The following ENOX1 variants were observed in gnomAD, a reference collection of about 807,000 sequenced individuals.
The protein encoded by ENOX1 is ecto-NOX disulfide-thiol exchanger 1, also known as candidate growth-related and time keeping constitutive hydroquinone (NADH) oxidase.
In ENOX1, 42 loss-of-function variants were observed where a neutral mutation model predicts 82.5. The observed-to-expected ratio is 0.51, with a 90% CI of 0.40 to 0.66. ENOX1 has a LOEUF of 0.66. Among genes scored for constraint, ENOX1 ranks in the 30% least tolerant of loss-of-function variants. The pLI, the probability that ENOX1 is intolerant of heterozygous loss-of-function variation, is 0.00. For synonymous variants in ENOX1, 271 were observed against 282.2 expected (o/e 0.96, Z 0.40); for missense variants, 608 against 811.6 (o/e 0.75, Z 3.05).
At chr13:43,379,787 A>G (rs767602732) in intron 5 of ENOX1, among the ~76,000 whole-genome samples, 3 of 151,958 alleles carry the variant, frequency 2.0e-5, no homozygotes, top group Non-Finnish European at 2.9e-5. Context: ...GATAGAAACT[A>G]TAAGCTCACA....
intron 1 of ENOX1, among the ~76,000 whole-genome samples, chr13:43,740,264 C>A (rs969868339): frequency 6.6e-6 from 1 of 152,066 alleles, no homozygotes; most frequent in Non-Finnish European, 1.5e-5. Context: ...CACCAGGAAC[C>A]ACTGGAAGGA....
In ENOX1 at chr13:43,301,712, T is replaced by A. The variant is rs561333681; in HGVS notation, c.1262-3182A>T. On this transcript the variant is annotated intron_variant, in intron 11 of 16. Coordinates refer to ENST00000690772, the MANE Select transcript of ENOX1 (RefSeq NM_001347969.2). ...TTTACAAAAAAATTTTCGTTACTCA[T>A]GTGGCAGCAAGTAGTTATCTTCTAA... is the stretch of plus-strand genomic sequence containing the variant. 2.0e-5 allele frequency among the ~76,000 whole-genome samples: 3 copies of A among 152,264 alleles called. No homozygotes were observed. The South Asian group carries it at 6.2e-4, about 32-fold the overall frequency.
At chr13:43,455,771 G>A (rs554390485) in intron 3 of ENOX1, among the ~76,000 whole-genome samples, 1 of 152,222 alleles carries the variant, frequency 6.6e-6, no homozygotes, top group East Asian at 1.9e-4. Context: ...TCATGGGAAT[G>A]GATAAGTCTC....
chr13:43,374,922 G>C (rs2051512683), intron 5 of ENOX1, among the ~76,000 whole-genome samples: 1 of 152,156 alleles, frequency 6.6e-6, no homozygotes, highest in Non-Finnish European at 1.5e-5. Flanking sequence ...GGGAAAAGCA[G>C]GATGCACAGT....
At chr13:43,434,358 G>A (rs2055867321) in intron 3 of ENOX1, among the ~76,000 whole-genome samples, 1 of 152,018 alleles carries the variant, frequency 6.6e-6, no homozygotes, top group Non-Finnish European at 1.5e-5. Context: ...CTAGTCCTTC[G>A]GCCTTCCTTT....
At chr13:43,517,775 T>C (rs2077612201) in intron 2 of ENOX1, among the ~76,000 whole-genome samples, 1 of 151,996 alleles carries the variant, frequency 6.6e-6, no homozygotes, top group South Asian at 2.1e-4. Flanking sequence ...CTTTGGGAGG[T>C]GACTACATCA....
chr13:43,359,847 G>C lies in ENOX1; in HGVS notation c.589+4C>G. 1 of 1,613,426 alleles carries C rather than the reference G, an allele frequency of 6.2e-7. No individual in the cohort carries two copies. Among genetic ancestry groups the C allele is most frequent in the Non-Finnish European group, 8.5e-7 (1 of 1,179,382 alleles). ...TAGAAAACTCCTTATGTAATGCAAA[G>C]TACCAGAAAGGTAAATGGCTTTATC... On this transcript the variant is annotated splice_donor_region_variant and intron_variant, in intron 7 of 16. Transcript: ENST00000690772.
chr13:43,282,452 CTTT>C (rs558705645), intron 12 of ENOX1, among the ~76,000 whole-genome samples: 4 of 142,506 alleles, frequency 2.8e-5, no homozygotes, highest in Non-Finnish European at 3.1e-5. Flanking sequence ...ATTCTTTTTT[CTTT>C]TTTTTTTTTT....
At chr13:43,429,962 TAC>T (rs2055560465) in intron 3 of ENOX1, among the ~76,000 whole-genome samples, 1 of 152,252 alleles carries the variant, frequency 6.6e-6, no homozygotes, top group Non-Finnish European at 1.5e-5. Context: ...ACAGTTTTGT[TAC>T]AGTTTTATGT....
intron 2 of ENOX1, among the ~76,000 whole-genome samples, chr13:43,514,129 G>A (rs1489479486): frequency 6.6e-6 from 1 of 152,076 alleles, no homozygotes; most frequent in Non-Finnish European, 1.5e-5. Context: ...GAGACAAAGA[G>A]GCAATTTTTT....
intron 3 of ENOX1, among the ~76,000 whole-genome samples, chr13:43,415,146 G>A (rs1056028985): frequency 6.8e-6 from 1 of 147,840 alleles, no homozygotes; most frequent in African/African-American, 2.5e-5. Flanking sequence ...CTGTTGGCAA[G>A]ATGTGGTGTA....
rs1347446857 is a variant in ENOX1 at position 43,497,823 on chromosome 13, G to A, written c.-218-13671C>T. ...GACTGGTATTTCTTCTTAAATGTTT[G>A]AAGGAATTCATTAGTGAAAGCATCT... On this transcript the variant is annotated intron_variant, in intron 2 of 16. Coordinates refer to ENST00000690772, the MANE Select transcript of ENOX1 (RefSeq NM_001347969.2). Among the ~76,000 whole-genome samples, 6 of 151,990 alleles carry A rather than the reference G, an allele frequency of 3.9e-5. No individual in the cohort carries two copies. The South Asian group carries it at 1.0e-3, about 26-fold the overall frequency.
chr13:43,244,703 C>G (rs1414155342), intron 14 of ENOX1, among the ~76,000 whole-genome samples: 2 of 152,170 alleles, frequency 1.3e-5, no homozygotes, highest in African/African-American at 4.8e-5. Flanking sequence ...CTGGCGGCCT[C>G]CATAGCTGCT....
intron 2 of ENOX1, among the ~76,000 whole-genome samples, chr13:43,535,281 A>G (rs966588428): frequency 3.9e-5 from 6 of 152,220 alleles, no homozygotes; most frequent in African/African-American, 1.4e-4. Context: ...TATTCTGAAA[A>G]TACAAGAAAG....
chr13:43,561,382 T>C (rs1437502892), intron 2 of ENOX1, among the ~76,000 whole-genome samples: 4 of 152,128 alleles, frequency 2.6e-5, no homozygotes, highest in African/African-American at 9.7e-5. Flanking sequence ...ACTTGATAAC[T>C]GTGTTACTCG....
intron 2 of ENOX1, among the ~76,000 whole-genome samples, chr13:43,633,625 T>TA (rs1433054964): frequency 6.6e-6 from 1 of 151,928 alleles, no homozygotes; most frequent in Non-Finnish European, 1.5e-5. Flanking sequence ...TATTATTATA[T>TA]AAAAAAACAA....
At chr13:43,694,766 A>G (rs971564555) in intron 1 of ENOX1, among the ~76,000 whole-genome samples, 2 of 152,006 alleles carry the variant, frequency 1.3e-5, no homozygotes, top group Non-Finnish European at 2.9e-5. Context: ...CCAAGACAAG[A>G]CTCACTTCTA....
chr13:43,614,493 G>A (rs2082324207), intron 2 of ENOX1, among the ~76,000 whole-genome samples: 4 of 149,850 alleles, frequency 2.7e-5, no homozygotes, highest in Admixed American at 2.7e-4. Flanking sequence ...AGCTAAAAGT[G>A]CAAACAGTCT....
At chr13:43,709,851 A>G (rs2087569320) in intron 1 of ENOX1, among the ~76,000 whole-genome samples, 1 of 152,190 alleles carries the variant, frequency 6.6e-6, no homozygotes. Context: ...TAATCATAAA[A>G]AACAGAACCG....
Sources: gnomAD v4.1 joint callset for allele counts (sites outside exome capture counted in the v4.1 genomes callset) on GRCh38, gnomAD v4.1.1 for gene constraint, MANE v1.5 for transcripts, NCBI Gene and HGNC (gene_info 2026-07-23, HGNC 2026-07-21) for gene names.